The following RBFOX1 variants were observed in gnomAD, a reference collection of about 807,000 sequenced individuals.
The protein encoded by RBFOX1 is RNA binding fox-1 homolog 1.
RBFOX1 carries 8 observed loss-of-function variants against 57.7 expected under a neutral mutation model. The ratio of observed to expected loss-of-function variants is 0.14; its 90% CI spans 0.08 to 0.25. RBFOX1 has a LOEUF of 0.25. RBFOX1 is among the 10% of genes least tolerant of loss of function. The pLI, the probability that RBFOX1 is intolerant of heterozygous loss-of-function variation, is 1.00. For synonymous variants in RBFOX1, 326 were observed against 222.4 expected (o/e 1.47, Z -4.15); for missense variants, 611 against 548.5 (o/e 1.11, Z -1.14).
At chr16:7,440,451 C>A (rs1303789090) in intron 4 of RBFOX1, among the ~76,000 whole-genome samples, 2 of 152,006 alleles carry the variant, frequency 1.3e-5, no homozygotes, top group African/African-American at 2.4e-5. Context: ...GTCCACAACC[C>A]CAGTTAATGA....
intron 4 of RBFOX1, among the ~76,000 whole-genome samples, chr16:7,097,570 C>G (rs1262006094): frequency 2.0e-5 from 3 of 152,208 alleles, no homozygotes; most frequent in Non-Finnish European, 4.4e-5. Context: ...ACCTCTCCAT[C>G]TGCCTCAAAT....
chr16:7,609,475 C>T (rs2057003887), intron 10 of RBFOX1, among the ~76,000 whole-genome samples: 1 of 152,140 alleles, frequency 6.6e-6, no homozygotes, highest in South Asian at 2.1e-4. Flanking sequence ...AATTCATCTG[C>T]ATGACTTCTA....
At chr16:5,494,938 T>C (rs1391732429) in intron 2 of RBFOX1, among the ~76,000 whole-genome samples, 1 of 152,158 alleles carries the variant, frequency 6.6e-6, no homozygotes, top group African/African-American at 2.4e-5. Flanking sequence ...GTAAGTGAAG[T>C]AGGAATAATA....
chr16:6,587,885 G>A (rs981422104), intron 2 of RBFOX1, among the ~76,000 whole-genome samples: 9 of 152,080 alleles, frequency 5.9e-5, no homozygotes, highest in African/African-American at 1.9e-4. Flanking sequence ...GAAAATTACA[G>A]GCACCATGAA....
chr16:6,928,221 G>A (rs1053368697), intron 3 of RBFOX1, among the ~76,000 whole-genome samples: 3 of 152,180 alleles, frequency 2.0e-5, no homozygotes, highest in Non-Finnish European at 4.4e-5. Context: ...TACTGCCCCC[G>A]AAGATTCTGA....
intron 2 of RBFOX1, among the ~76,000 whole-genome samples, chr16:6,532,210 G>C (rs987168516): frequency 1.3e-5 from 2 of 152,154 alleles, no homozygotes; most frequent in African/African-American, 4.8e-5. Context: ...TCCAGAGTGG[G>C]AAGGCAAAGT....
exon 1 of RBFOX1, chr16:5,239,994 G>T: frequency 6.5e-7 from 1 of 1,530,920 alleles, no homozygotes; most frequent in South Asian, 1.2e-5. Context: ...AGAGGCTGCG[G>T]CTGGGGCTGG....
chr16:7,463,273 G>C (rs1401446605), intron 4 of RBFOX1, among the ~76,000 whole-genome samples: 2 of 152,184 alleles, frequency 1.3e-5, no homozygotes, highest in Non-Finnish European at 2.9e-5. Flanking sequence ...GGAGGCCATG[G>C]TGTGTGGATC....
At chr16:6,697,911 A>G (rs537960945) in intron 3 of RBFOX1, among the ~76,000 whole-genome samples, 1 of 152,272 alleles carries the variant, frequency 6.6e-6, no homozygotes, top group African/African-American at 2.4e-5. Flanking sequence ...CAGAAGACCA[A>G]AAGTCTCTTT....
At chr16:6,808,648 A>T (rs1218935308) in intron 3 of RBFOX1, among the ~76,000 whole-genome samples, 1 of 152,110 alleles carries the variant, frequency 6.6e-6, no homozygotes, top group Non-Finnish European at 1.5e-5. Flanking sequence ...GATTAATATG[A>T]ATCTTATTTT....
chr16:7,434,982 C>T (rs144286680), intron 4 of RBFOX1, among the ~76,000 whole-genome samples: 36 of 152,166 alleles, frequency 2.4e-4, no homozygotes, highest in Non-Finnish European at 2.8e-4. Flanking sequence ...TTCAGTGATC[C>T]GCCTGCCTTG....
intron 4 of RBFOX1, among the ~76,000 whole-genome samples, chr16:7,099,306 C>G (rs1025139959): frequency 6.6e-6 from 1 of 152,114 alleles, no homozygotes; most frequent in Admixed American, 6.5e-5. Context: ...CAAGGAATTT[C>G]GTAATTCCTG....
At chr16:7,278,448 G>T (rs796757035) in intron 4 of RBFOX1, among the ~76,000 whole-genome samples, 12 of 152,176 alleles carry the variant, frequency 7.9e-5, no homozygotes, top group African/African-American at 2.9e-4. Context: ...CAACCATTTA[G>T]ATGATTGACT....
intron 3 of RBFOX1, among the ~76,000 whole-genome samples, chr16:5,780,965 C>T (rs1310712364): frequency 6.6e-6 from 1 of 152,230 alleles, no homozygotes; most frequent in African/African-American, 2.4e-5. Flanking sequence ...ACAAGCAGAA[C>T]ACCCTTGCGG....
chr16:7,584,125 C>A (rs2093967316), intron 6 of RBFOX1, among the ~76,000 whole-genome samples: 1 of 152,116 alleles, frequency 6.6e-6, no homozygotes, highest in Non-Finnish European at 1.5e-5. Flanking sequence ...TGATGCCTTT[C>A]TTTGGCCTTC....
chr16:6,637,589 C>A (rs923695288), intron 2 of RBFOX1, among the ~76,000 whole-genome samples: 32 of 142,990 alleles, frequency 2.2e-4, no homozygotes, highest in Non-Finnish European at 4.3e-4. Flanking sequence ...ATATAATAGT[C>A]TATATATATA....
intron 3 of RBFOX1, among the ~76,000 whole-genome samples, chr16:6,789,508 T>C (rs901746141): frequency 6.6e-6 from 1 of 152,202 alleles, no homozygotes; most frequent in Non-Finnish European, 1.5e-5. Flanking sequence ...TTCTCAGTTA[T>C]TACCTATGCT....
At chr16:7,473,093 C>G (rs1599315745) in intron 4 of RBFOX1, among the ~76,000 whole-genome samples, 2 of 152,248 alleles carry the variant, frequency 1.3e-5, no homozygotes, top group South Asian at 2.1e-4. Flanking sequence ...TTAAAAGGAT[C>G]TCCGCTAGGT....
chr16:6,494,572 T>A (rs556859921), intron 2 of RBFOX1, among the ~76,000 whole-genome samples: 6 of 152,340 alleles, frequency 3.9e-5, no homozygotes, highest in African/African-American at 1.4e-4. Flanking sequence ...TACCACAGCT[T>A]AACCATTCAC....
Sources: allele counts gnomAD v4.1 joint callset (sites outside exome capture counted in the v4.1 genomes callset), GRCh38; gene constraint gnomAD v4.1.1; transcripts MANE v1.5; gene names NCBI Gene and HGNC (gene_info 2026-07-23, HGNC 2026-07-21).